TRPV6: variants seen among roughly 807,000 people sequenced by gnomAD.
The protein encoded by TRPV6 is transient receptor potential cation channel subfamily V member 6.
A neutral mutation model predicts 79.0 loss-of-function variants in TRPV6; 39 were observed. That is an observed-to-expected ratio of 0.49 (90% CI 0.38 to 0.64). The LOEUF is 0.64. TRPV6 is among the 30% of genes least tolerant of loss of function. The pLI, the probability that TRPV6 is intolerant of heterozygous loss-of-function variation, is 0.00. For missense variants in TRPV6, 813 were observed against 1,011.1 expected (o/e 0.80, Z 2.66); for synonymous variants, 373 against 391.9 (o/e 0.95, Z 0.57).
chr7:142,879,543 C>T (rs1368549937), intron 1 of TRPV6: 2 of 152,168 alleles, frequency 1.3e-5, no homozygotes, highest in Admixed American at 1.3e-4. Flanking sequence ...AGCTCACATT[C>T]TAAAGCGCTG....
intron 1 of TRPV6, chr7:142,882,380 G>A (rs909765193): frequency 2.6e-5 from 4 of 152,136 alleles, no homozygotes; most frequent in Non-Finnish European, 5.9e-5. Flanking sequence ...CCAAATCATT[G>A]CCAGAAGATC....
chr7:142,880,628 T>A (rs1049336890), intron 1 of TRPV6: 6 of 152,088 alleles, frequency 3.9e-5, no homozygotes, highest in Admixed American at 1.3e-4. Context: ...TCCCCTTTGG[T>A]CCCTACACGT....
chr7:142,871,313 C>T lies in TRPV6; in HGVS notation c.*394G>A. ...CCCTCACTCACACGCTTTCCACAAG[C>T]TCTGCACTTCCCTGCACCTGCCTGG... On this transcript the variant is annotated 3_prime_UTR_variant, in exon 15 of 15. Coordinates refer to ENST00000359396, the MANE Select transcript of TRPV6 (RefSeq NM_018646.6). 1 of 464,604 alleles carries T rather than the reference C, an allele frequency of 2.2e-6. No homozygotes were observed. The highest frequency in any genetic ancestry group is 1.9e-5 in the African/African-American group (1 of 51,570). The allele number at this position is 464,604 out of a possible 1,614,324, so 28.8% of individuals were successfully genotyped here. A position where few individuals can be genotyped will look rare whatever the true frequency, so the allele number is the denominator to read the frequency against.
In TRPV6 at chr7:142,874,603, G is replaced by A. The variant is rs1179960537; in HGVS notation, c.1460C>T (p.Ala487Val). The A allele has an allele frequency of 6.2e-7, 1 of 1,614,032 alleles. No individual in the cohort carries two copies. Among genetic ancestry groups the A allele is most frequent in the Non-Finnish European group, 8.5e-7 (1 of 1,180,050 alleles). ...GGACATGGGTACCACCTCCCCGCTG[G>A]CACTGATGAGCCGCATCACCATGGT... Residue 487 changes from alanine to valine, a missense_variant, in exon 11 of 15, where the codon GCC becomes GTC. Around this residue, in one of 3 missense-constraint regions of TRPV6, gnomAD observed 94 missense variants for 194.0 expected, o/e 0.48. Coordinates refer to ENST00000359396, the MANE Select transcript of TRPV6 (RefSeq NM_018646.6).
In TRPV6 at chr7:142,873,935, G is replaced by A. The variant is rs1794998015; in HGVS notation, c.1639+141C>T. ...ACACTCCCGATTTTTCTCACCTCTGGAGGACGTCCCATCCTCTGATACCAT... is the reference window on the plus strand; with the variant it reads ...ACACTCCCGATTTTTCTCACCTCTGAAGGACGTCCCATCCTCTGATACCAT... On this transcript the variant is annotated intron_variant, in intron 12 of 14. Transcript: ENST00000359396. The surrounding 1 kb of genome is among the most constrained non-coding windows in gnomAD (Gnocchi z 4.8). 8.9e-7 allele frequency: 1 copy of A among 1,129,252 alleles called. No individual in the cohort carries two copies. The highest frequency in any genetic ancestry group is 2.6e-4 in the Middle Eastern group (1 of 3,830). The allele number at this position is 1,129,252 out of a possible 1,614,324, so 70.0% of individuals were successfully genotyped here.
chr7:142,874,409 T>C (rs940875921), intron 11 of TRPV6, 82 bp downstream of exon 11: 24 of 1,551,744 alleles, frequency 1.5e-5, no homozygotes, highest in Non-Finnish European at 2.1e-5. Context: ...ACCTGCAATG[T>C]CTACTGTTCT....
In TRPV6 at chr7:142,873,326, C is replaced by A. The variant is rs1264029364; in HGVS notation, c.1908+122G>T. On this transcript the variant is annotated intron_variant, in intron 13 of 14. Transcript: ENST00000359396. This position sits in a 1 kb window ranked among gnomAD's most constrained non-coding sequence, Gnocchi z 4.8. The stretch of plus-strand genomic sequence containing the variant: ...CTTCTGTACATTTTGCATGATTTTG[C>A]TAGCTTTGCCACAACTGTCCAAACA... The A allele has an allele frequency of 7.1e-7, 1 of 1,399,874 alleles. No homozygotes were observed. The highest frequency in any genetic ancestry group is 2.3e-5 in the East Asian group (1 of 43,534). 86.7% of individuals were successfully genotyped at this position (1,399,874 alleles called of 1,614,324 possible).
Position 142,875,510 on chromosome 7 carries a change from C to G in TRPV6, c.1200G>C (p.Thr400=), listed in dbSNP as rs4987665. The change falls in exon 8 of 15, where the codon ACG becomes ACC. Residue 400 remains threonine (T), a synonymous_variant. Transcript: ENST00000359396. ...GTAAGAGGGTGTTGTCCCGGGGGCT[C>G]GTGCGGTTATTGGTCCTGGGCTTGA... The G allele has an allele frequency of 4.9e-5, 78 of 1,604,890 alleles. No individual in the cohort carries two copies. The South Asian group carries it at 8.6e-4, about 18-fold the overall frequency.
At chr7:142,872,234 C>G (rs570799359) in intron 14 of TRPV6, 138 bp downstream of exon 14, 2 of 1,013,770 alleles carry the variant, frequency 2.0e-6, no homozygotes, top group South Asian at 1.6e-5. Flanking sequence ...CCCTTCCTCA[C>G]CAGCTCAATC....
chr7:142,880,338 CCTTA>C (rs1188240889), intron 1 of TRPV6: 12 of 152,278 alleles, frequency 7.9e-5, no homozygotes, highest in African/African-American at 2.6e-4. Context: ...TCTCCTGTGG[CCTTA>C]CTTTTATTTC....
chr7:142,876,744 G>C lies in TRPV6; in HGVS notation c.701C>G (p.Ser234Cys). The C allele has an allele frequency of 6.2e-7, 1 of 1,614,028 alleles. No homozygotes were observed. The highest frequency in any genetic ancestry group is 8.5e-7 in the Non-Finnish European group (1 of 1,180,004). Residue 234 changes from serine (S) to cysteine (C), a missense_variant, in exon 5 of 15, where the codon TCC (serine) becomes TGC (cysteine). Transcript: ENST00000359396. ...CTCCCCATCTCAGCTCTTACCCAGG[G>C]AGTCCTGGGCCCGGATGTCAGCTCC... is the stretch of plus-strand genomic sequence containing the variant.
chr7:142,875,687 C>T lies in TRPV6; in HGVS notation c.1030-7G>A. 4 of 1,609,926 alleles carry T rather than the reference C, an allele frequency of 2.5e-6. No homozygotes were observed. Among genetic ancestry groups the T allele is most frequent in the Non-Finnish European group, 3.4e-6 (4 of 1,177,934 alleles). Reference sequence around the variant, plus strand: ...GGTCCAGGATCTGGCGAGCCTGCAACAGAAAGAGAACAGGTGGCTCAGAGA... The same window carrying T: ...GGTCCAGGATCTGGCGAGCCTGCAATAGAAAGAGAACAGGTGGCTCAGAGA... On this transcript the variant is annotated splice_region_variant and splice_polypyrimidine_tract_variant and intron_variant, in intron 7 of 14. Coordinates refer to ENST00000359396, the MANE Select transcript of TRPV6 (RefSeq NM_018646.6).
intron 4 of TRPV6, 144 bp from the exon 5 acceptor site, chr7:142,876,981 C>G (rs1369899300): frequency 2.1e-6 from 3 of 1,438,230 alleles, no homozygotes; most frequent in Non-Finnish European, 2.8e-6. Context: ...GAGGAAGGGT[C>G]GTGGGGTAAA....
At chr7:142,876,706 C>T (rs942480321) in intron 5 of TRPV6, 33 bp downstream of exon 5, 1 of 1,613,704 alleles carries the variant, frequency 6.2e-7, no homozygotes, top group African/African-American at 1.3e-5. Flanking sequence ...CTCCCTGCAG[C>T]ATCCCAGCTC....
intron 1 of TRPV6, 36 bp from the exon 2 acceptor site, chr7:142,878,062 G>A: frequency 6.4e-7 from 1 of 1,562,780 alleles, no homozygotes; most frequent in Middle Eastern, 1.7e-4. Context: ...TGGAAACAGT[G>A]AGCATACCTA....
chr7:142,872,328 C>G (rs775381271), intron 14 of TRPV6, 44 bp downstream of exon 14: 4 of 1,598,574 alleles, frequency 2.5e-6, no homozygotes, highest in Non-Finnish European at 3.4e-6. Context: ...GATACCCTGC[C>G]GATGAGGCTT....
chr7:142,885,280 C>T (rs1184429265), intron 1 of TRPV6, 109 bp downstream of exon 1: 2 of 1,357,562 alleles, frequency 1.5e-6, no homozygotes, highest in Non-Finnish European at 2.0e-6. Flanking sequence ...CTGGGAGCAC[C>T]ATCTGTCCAG....
intron 1 of TRPV6, 140 bp from the exon 2 acceptor site, chr7:142,878,166 G>A (rs1003729615): frequency 1.9e-5 from 13 of 675,428 alleles, no homozygotes; most frequent in Non-Finnish European, 3.2e-5. Context: ...ATCAAGGCAG[G>A]TGGGGCCATT....
intron 10 of TRPV6, 70 bp downstream of exon 10, chr7:142,874,834 T>G: frequency 6.3e-7 from 1 of 1,596,472 alleles, no homozygotes; most frequent in Non-Finnish European, 8.6e-7. Context: ...TCTTGAGAGG[T>G]CAGGAATCCA....
Sources: gnomAD v4.1 joint callset for allele counts on GRCh38, gnomAD v4.1.1 for gene constraint, gnomAD v4.1.1 regional missense constraint, Gnocchi (gnomAD v3.1) non-coding constraint, MANE v1.5 for transcripts, NCBI Gene and HGNC (gene_info 2026-07-23, HGNC 2026-07-21) for gene names.